Variants in FAM178B observed in about 807,000 individuals in gnomAD.
FAM178B encodes the protein protein FAM178B.
A neutral mutation model predicts 91.7 loss-of-function variants in FAM178B; 82 were observed. The ratio of observed to expected loss-of-function variants is 0.89; its 90% CI spans 0.75 to 1.07. The LOEUF is 1.07. Among genes scored for constraint, FAM178B ranks in the 50% least tolerant of loss-of-function variants. FAM178B has a pLI of 0.00. For missense variants in FAM178B, 769 were observed against 846.7 expected (o/e 0.91, Z 1.14); for synonymous variants, 368 against 359.4 (o/e 1.02, Z -0.27).
At chr2:96,941,844 A>G (rs1271692395) in intron 8 of FAM178B, among the ~76,000 whole-genome samples, 1 of 152,228 alleles carries the variant, frequency 6.6e-6, no homozygotes, top group East Asian at 1.9e-4. Flanking sequence ...TTCCGAAGAC[A>G]TTGCTTCAAG....
chr2:96,882,604 G>C (rs1232454944), intron 14 of FAM178B, among the ~76,000 whole-genome samples: 2 of 152,232 alleles, frequency 1.3e-5, no homozygotes, highest in Admixed American at 1.3e-4. Flanking sequence ...GGAGAGAGAG[G>C]CTGAGCCCAG....
At chr2:96,909,408 G>A (rs1351049377) in intron 12 of FAM178B, among the ~76,000 whole-genome samples, 2 of 152,124 alleles carry the variant, frequency 1.3e-5, no homozygotes, top group African/African-American at 4.8e-5. Context: ...GCCTCCAGGA[G>A]GGAGCTCTCC....
intron 9 of FAM178B, among the ~76,000 whole-genome samples, chr2:96,924,391 C>T (rs545660785): frequency 6.6e-6 from 1 of 152,374 alleles, no homozygotes; most frequent in East Asian, 1.9e-4. Flanking sequence ...AGCTGATGTG[C>T]TGTCTGCTGA....
chr2:96,960,385 C>G lies in FAM178B; in HGVS notation c.790G>C (p.Gly264Arg), dbSNP rs1326630716. 2.6e-6 allele frequency: 4 copies of G among 1,551,768 alleles called. No individual in the cohort carries two copies. Among genetic ancestry groups the G allele is most frequent in the Non-Finnish European group, 3.5e-6 (4 of 1,146,984 alleles). ...SLQTIPPVHP[G>R]ETVFLPRCHP... The stretch of plus-strand genomic sequence containing the variant: ...CACCTGGGCAGAAACACAGTCTCAC[C>G]TGGATGGACCGGCGGGATGGTCTGC... The change falls in exon 6 of 17, where the codon GGT becomes CGT. Residue 264 changes from glycine (G) to arginine (R), a missense_variant. By Grantham distance (125) the Gly-to-Arg change is moderately radical. Transcript: ENST00000490605.
chr2:96,948,570 C>G (rs1468459889), intron 7 of FAM178B, among the ~76,000 whole-genome samples: 4 of 152,222 alleles, frequency 2.6e-5, no homozygotes, highest in African/African-American at 9.6e-5. Flanking sequence ...GCCATCTGGT[C>G]TAGGGGCACT....
At chr2:96,902,507 TAG>T (rs2080953349) in intron 13 of FAM178B, 111 bp downstream of exon 13, 3 of 724,744 alleles carry the variant, frequency 4.1e-6, no homozygotes, top group Non-Finnish European at 7.4e-6. Context: ...AGAACATGAG[TAG>T]AGAGTTCAGA....
chr2:96,917,088 G>A (rs760984486), intron 12 of FAM178B, among the ~76,000 whole-genome samples: 4 of 152,216 alleles, frequency 2.6e-5, no homozygotes, highest in Non-Finnish European at 5.9e-5. Flanking sequence ...GAGCAAAGAA[G>A]GTGCGGAAAC....
chr2:96,902,384 G>T (rs955797498), intron 13 of FAM178B, among the ~76,000 whole-genome samples: 9 of 152,244 alleles, frequency 5.9e-5, no homozygotes, highest in African/African-American at 2.2e-4. Context: ...GATTACAGGC[G>T]TGAGCCACCG....
chr2:96,918,812 C>G (rs1559072124), intron 12 of FAM178B, among the ~76,000 whole-genome samples: 1 of 152,180 alleles, frequency 6.6e-6, no homozygotes, highest in Non-Finnish European at 1.5e-5. Context: ...CTGGTAGTTA[C>G]AGACTGACCC....
At chr2:96,895,055 C>T in intron 13 of FAM178B, 1 of 1,289,308 alleles carries the variant, frequency 7.8e-7, no homozygotes, top group South Asian at 1.2e-5. Flanking sequence ...CCCAACAGTC[C>T]ATCACCATGA....
intron 12 of FAM178B, among the ~76,000 whole-genome samples, chr2:96,906,948 C>T (rs924088946): frequency 2.0e-5 from 3 of 152,296 alleles, no homozygotes; most frequent in East Asian, 3.9e-4. Flanking sequence ...TTACTCACAG[C>T]GGGCGAGGAG....
chr2:96,889,402 G>T (rs1049027039), intron 14 of FAM178B, among the ~76,000 whole-genome samples: 1 of 152,248 alleles, frequency 6.6e-6, no homozygotes, highest in South Asian at 2.1e-4. Context: ...CAGTAGGCCC[G>T]GTGCGGTGGC....
intron 12 of FAM178B, among the ~76,000 whole-genome samples, chr2:96,903,339 G>C (rs570967552): frequency 1.3e-5 from 2 of 152,330 alleles, no homozygotes; most frequent in African/African-American, 4.8e-5. Flanking sequence ...GCGCCCGGCT[G>C]AACTGCTTTT....
intron 12 of FAM178B, among the ~76,000 whole-genome samples, chr2:96,913,842 T>C (rs1420611763): frequency 6.6e-6 from 1 of 152,138 alleles, no homozygotes; most frequent in South Asian, 2.1e-4. Context: ...CTCAGGAGCA[T>C]CCAAGTGGTT....
At chr2:96,914,189 G>C (rs1245847923) in intron 12 of FAM178B, among the ~76,000 whole-genome samples, 1 of 152,214 alleles carries the variant, frequency 6.6e-6, no homozygotes, top group Non-Finnish European at 1.5e-5. Context: ...TTCTGGTCCT[G>C]GTAGTCCGTG....
Position 96,986,541 on chromosome 2 carries a change from C to A in FAM178B, c.-228G>T, listed in dbSNP as rs942024865. On this transcript the variant is annotated 5_prime_UTR_variant, in exon 1 of 17. Transcript: ENST00000490605. ...TCCAAACCAAGCGGCCAGCTCACAGCCGCCGCCGCCGCCAGCTGGGGAGCT... is the reference window on the plus strand; with the variant it reads ...TCCAAACCAAGCGGCCAGCTCACAGACGCCGCCGCCGCCAGCTGGGGAGCT... 8 of 461,790 alleles carry A rather than the reference C, an allele frequency of 1.7e-5. No individual in the cohort carries two copies. The highest frequency in any genetic ancestry group is 8.2e-5 in the African/African-American group (4 of 48,664). The allele number at this position is 461,790 out of a possible 1,614,324, so 28.6% of individuals were successfully genotyped here. A position where few individuals can be genotyped will look rare whatever the true frequency, so the allele number is the denominator to read the frequency against.
chr2:96,970,623 GCTGTACTCCGACCAGACT>G (rs2082204806), intron 4 of FAM178B, 75 bp downstream of exon 4: 1 of 990,382 alleles, frequency 1.0e-6, no homozygotes, highest in African/African-American at 1.6e-5. Context: ...GTGGGAGGCC[GCTGTACTCCGACCAGACT>G]CTGCAGTGAG....
chr2:96,984,626 C>CT (rs1380890378), intron 1 of FAM178B, among the ~76,000 whole-genome samples: 2 of 152,334 alleles, frequency 1.3e-5, no homozygotes, highest in South Asian at 4.1e-4. Flanking sequence ...CTCAAAGGTG[C>CT]TATCTACCAG....
At chr2:96,895,381 C>T (rs919276418) in intron 13 of FAM178B, among the ~76,000 whole-genome samples, 2 of 152,238 alleles carry the variant, frequency 1.3e-5, no homozygotes, top group African/African-American at 4.8e-5. Flanking sequence ...CTGCTTTTGG[C>T]TGACTATGGC....
Sources: allele counts gnomAD v4.1 joint callset (sites outside exome capture counted in the v4.1 genomes callset), GRCh38; gene constraint gnomAD v4.1.1; transcripts MANE v1.5; gene names NCBI Gene and HGNC (gene_info 2026-07-23, HGNC 2026-07-21).